The following PTPRM variants were observed in gnomAD, a reference collection of about 807,000 sequenced individuals.
PTPRM encodes protein tyrosine phosphatase receptor type M.
PTPRM carries 47 observed loss-of-function variants against 186.7 expected under a neutral mutation model. The observed-to-expected ratio is 0.25, with a 90% CI of 0.20 to 0.32. PTPRM has a LOEUF of 0.32. PTPRM is among the 10% of genes least tolerant of loss of function. The pLI is 1.00. For synonymous variants in PTPRM, 668 were observed against 674.9 expected (o/e 0.99, Z 0.16); for missense variants, 1,494 against 1,865.0 (o/e 0.80, Z 3.66).
At chr18:7,760,073 A>C (rs1568089606) in intron 1 of PTPRM, among the ~76,000 whole-genome samples, 3 of 152,164 alleles carry the variant, frequency 2.0e-5, no homozygotes, top group Non-Finnish European at 4.4e-5. Context: ...GAGTCTGGCC[A>C]GCTCTAGCAC....
chr18:8,178,258 C>T (rs2093516238), intron 14 of PTPRM, among the ~76,000 whole-genome samples: 1 of 152,126 alleles, frequency 6.6e-6, no homozygotes, highest in Non-Finnish European at 1.5e-5. Context: ...CAAGGTTAGT[C>T]TAAATTGCAG....
At chr18:8,315,213 A>G (rs2095300259) in intron 21 of PTPRM, among the ~76,000 whole-genome samples, 1 of 152,130 alleles carries the variant, frequency 6.6e-6, no homozygotes, top group Non-Finnish European at 1.5e-5. Context: ...TGTTATTTCC[A>G]TTTTTTTGTC....
At chr18:8,094,176 A>G (rs947886020) in intron 11 of PTPRM, among the ~76,000 whole-genome samples, 1 of 152,194 alleles carries the variant, frequency 6.6e-6, no homozygotes, top group African/African-American at 2.4e-5. Flanking sequence ...CAAAAAACTT[A>G]TAGTGTAAAA....
In PTPRM at chr18:8,287,378, A is replaced by G. The variant is rs186905750; in HGVS notation, c.2755-8990A>G. On this transcript the variant is annotated intron_variant, in intron 19 of 32. Coordinates refer to ENST00000580170, the MANE Select transcript of PTPRM (RefSeq NM_001105244.2). ...GAGTCTCACCGCCCTTCATGTGGCC[A>G]TGGTGTCAGGAGGGAGACTTGCTCA... Among the ~76,000 whole-genome samples, 630 of 152,318 alleles carry G rather than the reference A, an allele frequency of 4.1e-3. 2 individuals are homozygous for G. The highest frequency in any genetic ancestry group is 7.2e-3 in the Non-Finnish European group (488 of 68,026).
At chr18:8,151,569 T>C (rs991667443) in intron 14 of PTPRM, among the ~76,000 whole-genome samples, 1 of 148,294 alleles carries the variant, frequency 6.7e-6, no homozygotes, top group African/African-American at 2.5e-5. Context: ...GGATCTAAGT[T>C]TGCTGGGCTC....
At chr18:8,114,444 A>T (rs1189368652) in intron 12 of PTPRM, among the ~76,000 whole-genome samples, 2 of 152,064 alleles carry the variant, frequency 1.3e-5, no homozygotes, top group Non-Finnish European at 2.9e-5. Flanking sequence ...AAGGGGGGAA[A>T]TCTGAGATGC....
intron 3 of PTPRM, among the ~76,000 whole-genome samples, chr18:7,897,488 T>G (rs2049423831): frequency 6.6e-6 from 1 of 152,196 alleles, no homozygotes; most frequent in Non-Finnish European, 1.5e-5. Context: ...ATACTCTGCA[T>G]TTTGTGCTTA....
chr18:8,302,730 T>A (rs887582983), intron 20 of PTPRM, among the ~76,000 whole-genome samples: 2 of 151,954 alleles, frequency 1.3e-5, no homozygotes, highest in African/African-American at 4.8e-5. Flanking sequence ...CGTTTCCGAC[T>A]TACTGGAGGA....
intron 7 of PTPRM, among the ~76,000 whole-genome samples, chr18:7,957,521 C>T (rs74414912): frequency 6.6e-6 from 1 of 152,218 alleles, no homozygotes; most frequent in Non-Finnish European, 1.5e-5. Context: ...TGGCACTGTT[C>T]GTGATGCATG....
chr18:8,124,212 A>G (rs1411756154), intron 13 of PTPRM, among the ~76,000 whole-genome samples: 4 of 152,226 alleles, frequency 2.6e-5, no homozygotes, highest in Non-Finnish European at 5.9e-5. Context: ...GTGTATCAGA[A>G]TAAGCCTCAA....
At chr18:7,625,586 G>C (rs899326801) in intron 1 of PTPRM, among the ~76,000 whole-genome samples, 1 of 152,136 alleles carries the variant, frequency 6.6e-6, no homozygotes, top group African/African-American at 2.4e-5. Flanking sequence ...CCAGACTGGA[G>C]TGCAGTGGCG....
chr18:7,703,037 A>G (rs926761938), intron 1 of PTPRM, among the ~76,000 whole-genome samples: 3 of 152,190 alleles, frequency 2.0e-5, no homozygotes, highest in African/African-American at 7.2e-5. Flanking sequence ...ATTGGTCTAT[A>G]TATCTGTTTT....
At chr18:8,141,477 C>G (rs1207721338) in intron 13 of PTPRM, among the ~76,000 whole-genome samples, 1 of 152,160 alleles carries the variant, frequency 6.6e-6, no homozygotes, top group Non-Finnish European at 1.5e-5. Context: ...CATGCTGCTT[C>G]CTAAAGGGGA....
intron 5 of PTPRM, among the ~76,000 whole-genome samples, chr18:7,938,097 C>T (rs2051941038): frequency 6.6e-6 from 1 of 152,130 alleles, no homozygotes. Flanking sequence ...ATGCTCATTA[C>T]TACTTTATTT....
chr18:8,230,071 A>C (rs991514363), intron 14 of PTPRM, among the ~76,000 whole-genome samples: 1 of 152,244 alleles, frequency 6.6e-6, no homozygotes, highest in Non-Finnish European at 1.5e-5. Flanking sequence ...ATACATATCC[A>C]AGTCCTTCTG....
At chr18:8,380,565 C>A in intron 29 of PTPRM, 138 bp downstream of exon 29, 1 of 998,888 alleles carries the variant, frequency 1.0e-6, no homozygotes, top group Non-Finnish European at 1.5e-6. Context: ...ACTGGGGATG[C>A]TGAACACAAC....
chr18:7,583,821 A>G (rs2036908247), intron 1 of PTPRM, among the ~76,000 whole-genome samples: 1 of 152,214 alleles, frequency 6.6e-6, no homozygotes, highest in Non-Finnish European at 1.5e-5. Flanking sequence ...GTAAATCTCT[A>G]GTCTGTATGC....
intron 14 of PTPRM, among the ~76,000 whole-genome samples, chr18:8,230,843 A>G (rs1376082612): frequency 6.6e-6 from 1 of 152,346 alleles, no homozygotes; most frequent in Middle Eastern, 3.4e-3. Flanking sequence ...CTTTAATGTG[A>G]CAACCTCTTA....
At chr18:7,940,334 C>A (rs1219632711) in intron 5 of PTPRM, among the ~76,000 whole-genome samples, 4 of 152,260 alleles carry the variant, frequency 2.6e-5, no homozygotes, top group African/African-American at 9.6e-5. Context: ...AGATAGAGAG[C>A]AACTATGGTA....
Sources: allele counts gnomAD v4.1 joint callset (sites outside exome capture counted in the v4.1 genomes callset), GRCh38; gene constraint gnomAD v4.1.1; transcripts MANE v1.5; gene names NCBI Gene and HGNC (gene_info 2026-07-23, HGNC 2026-07-21).